Variants in NACA observed in about 807,000 individuals in gnomAD.
NACA encodes the protein nascent polypeptide associated complex subunit alpha, also known as nascent polypeptide-associated complex subunit alpha.
Under a neutral mutation model 86.4 loss-of-function variants are expected in NACA, and 42 were observed. The observed-to-expected ratio is 0.49, with a 90% CI of 0.38 to 0.63. The LOEUF (loss-of-function observed/expected upper bound fraction) is 0.63. Ranked by LOEUF, NACA falls within the 20% of genes least tolerant of loss-of-function variation. The probability of loss-of-function intolerance (pLI) is 0.00; values close to 1 mark genes in which losing one functional copy is unlikely to be tolerated. For synonymous variants in NACA, 898 were observed against 973.7 expected (o/e 0.92, Z 1.45); for missense variants, 2,157 against 2,483.6 (o/e 0.87, Z 2.80).
chr12:56,713,323 TAGA>T (rs1953265628), intron 6 of NACA, 133 bp from the exon 7 acceptor site: 2 of 1,276,740 alleles, frequency 1.6e-6, no homozygotes, highest in East Asian at 5.0e-5. Flanking sequence ...GCCCTCACAG[TAGA>T]AAGAGTAGTT....
At position 56,719,729 on chromosome 12, in the gene NACA, T is replaced by C; in HGVS notation, c.1801A>G (p.Ile601Val). 3 of 1,613,930 alleles carry C rather than the reference T, an allele frequency of 1.9e-6. No individual in the cohort carries two copies. The highest frequency in any genetic ancestry group is 8.5e-7 in the Non-Finnish European group (1 of 1,179,864). ...AKKSLGEPLP[I>V]GKPASSMTSP... ...GTCATACTGCTGGCTGGCTTACCTA[T>C]AGGGAGAGGCTCCCCAAGGCTTTTC... is the stretch of plus-strand genomic sequence containing the variant. The change falls in exon 3 of 9, where the codon ATA (isoleucine) becomes GTA (valine). Residue 601 changes from isoleucine to valine, a missense_variant. Ile to Val is a conservative substitution (Grantham distance 29). Coordinates refer to ENST00000454682, the MANE Select transcript of NACA (RefSeq NM_001365896.1).
rs776709775 is a variant in NACA at position 56,716,720 on chromosome 12, C to A, written c.4810G>T (p.Ala1604Ser). The change falls in exon 3 of 9, where the codon GCT (alanine) becomes TCT (serine). Residue 1604 changes from alanine to serine, a missense_variant. This residue lies in a region of NACA where 797 missense variants were observed against 777.6 expected (regional missense o/e 1.02). Coordinates refer to ENST00000454682, the MANE Select transcript of NACA (RefSeq NM_001365896.1). ...TCTTTGGGGGAAGGAGAAGTCACAG[C>A]TGGTGGAATGAGGAGCTCTTTGGGG... is the stretch of plus-strand genomic sequence containing the variant. ...PSPKELLIPPAVTSPSPKEAP... is the reference protein window; with the variant it reads ...PSPKELLIPPSVTSPSPKEAP... 3.6e-6 allele frequency: 5 copies of A among 1,400,968 alleles called. 1 individual carries two copies. The highest frequency in any genetic ancestry group is 4.1e-4 in the Middle Eastern group (2 of 4,892). 86.8% of individuals were successfully genotyped at this position (1,400,968 alleles called of 1,614,324 possible). A position where few individuals can be genotyped will look rare whatever the true frequency, so the allele number is the denominator to read the frequency against.
chr12:56,721,903 CTACTCTGTCCACCCAAA>C (rs1345765074), intron 2 of NACA, among the ~76,000 whole-genome samples: 1 of 152,158 alleles, frequency 6.6e-6, no homozygotes, highest in Non-Finnish European at 1.5e-5. Context: ...AACAGCTGTG[CTACTCTGTCCACCCAAA>C]TATCATGAAC....
rs561240723 is a variant in NACA, at chr12:56,720,691, G to A, written c.839C>T (p.Thr280Ile). 1.2e-6 allele frequency: 2 copies of A among 1,613,962 alleles called. No individual in the cohort carries two copies. The highest frequency in any genetic ancestry group is 2.2e-5 in the South Asian group (2 of 91,082). Residue 280 changes from threonine to isoleucine, a missense_variant, in exon 3 of 9, where the codon ACT becomes ATT. Physicochemically the swap from Thr to Ile is moderately conservative, Grantham distance 89 (BLOSUM62 -1). Around this residue, in one of 8 missense-constraint regions of NACA, gnomAD observed 947 missense variants for 917.9 expected, o/e 1.03. Coordinates refer to ENST00000454682, the MANE Select transcript of NACA (RefSeq NM_001365896.1). The part of the protein sequence containing the change: ...VSPPAALSLS[T>I]QSLPVVTSSQ... ...AGAGGTCACCACAGGAAGAGACTGAGTTGAAAGAGATAAGGCAGCAGGTGG... is the reference window on the plus strand; with the variant it reads ...AGAGGTCACCACAGGAAGAGACTGAATTGAAAGAGATAAGGCAGCAGGTGG...
chr12:56,719,794 G>C lies in NACA; in HGVS notation c.1736C>G (p.Ser579Cys), dbSNP rs772528945. The change falls in exon 3 of 9, where the codon TCT becomes TGT. Residue 579 changes from serine to cysteine, a missense_variant. Around this residue, in one of 8 missense-constraint regions of NACA, gnomAD observed 947 missense variants for 917.9 expected, o/e 1.03. Coordinates refer to ENST00000454682, the MANE Select transcript of NACA (RefSeq NM_001365896.1). ...TTCAGGAGAAAGAGGTATCTCTGGA[G>C]AAGAGGATGTACTTTGGAAAGAAGG... The part of the protein sequence containing the change: ...NSPSFQSTSS[S>C]PEIPLSPEAT... 6 of 1,613,750 alleles carry C rather than the reference G, an allele frequency of 3.7e-6. No homozygotes were observed. In the East Asian group the frequency reaches 1.3e-4, roughly 36 times the overall value.
At position 56,712,598 on chromosome 12, in the gene NACA, G is replaced by A. The variant is rs182115773; in HGVS notation, c.6223-46C>T. 786 of 1,608,896 alleles carry A rather than the reference G, an allele frequency of 4.9e-4. 6 individuals are homozygous for A. The African/African-American group carries it at 9.7e-3, about 20-fold the overall frequency. ...TTAGCGGTTCTTATAGGCAAATCAGGAGAATTCAGGTCACTAAAACTCTTA... is the reference window on the plus strand; with the variant it reads ...TTAGCGGTTCTTATAGGCAAATCAGAAGAATTCAGGTCACTAAAACTCTTA... On this transcript the variant is annotated intron_variant, in intron 8 of 8. Transcript: ENST00000454682.
chr12:56,713,424 C>T, intron 6 of NACA, 113 bp downstream of exon 6: 1 of 1,418,894 alleles, frequency 7.0e-7, no homozygotes, highest in Non-Finnish European at 9.6e-7. Context: ...GTAATCAAAA[C>T]TGGATGTAAT....
intron 2 of NACA, among the ~76,000 whole-genome samples, chr12:56,722,548 C>T (rs931076312): frequency 1.2e-4 from 18 of 152,030 alleles, no homozygotes; most frequent in African/African-American, 3.6e-4. Flanking sequence ...ATTAGCTGGG[C>T]GTGGTGGTGT....
chr12:56,719,356 A>G lies in NACA; in HGVS notation c.2174T>C (p.Val725Ala), dbSNP rs1565897074. 1.2e-6 allele frequency: 2 copies of G among 1,609,578 alleles called. No homozygotes were observed. The highest frequency in any genetic ancestry group is 1.7e-4 in the Middle Eastern group (1 of 6,048). The stretch of plus-strand genomic sequence containing the variant: ...AGACTTTGGGATTTCAGGGGCCAGC[A>G]CTAAGGTAGCCAGAGGAGCACAGGT... ...QNTCAPLATL[V>A]LAPEIPKSVP... The change falls in exon 3 of 9, where the codon GTG becomes GCG. Residue 725 changes from valine to alanine, a missense_variant. Physicochemically the swap from Val to Ala is moderately conservative, Grantham distance 64 (BLOSUM62 0). Coordinates refer to ENST00000454682, the MANE Select transcript of NACA (RefSeq NM_001365896.1).
Position 56,720,908 on chromosome 12 carries a change from T to C in NACA, c.622A>G (p.Ile208Val), listed in dbSNP as rs202018251. 4.3e-4 allele frequency: 695 copies of C among 1,613,912 alleles called. 2 individuals are homozygous for C. The highest frequency in any genetic ancestry group is 5.4e-4 in the Non-Finnish European group (638 of 1,179,852). ...NPKGTPSPPC[I>V]VSTVPYHCVT... ...CAGTGGTAAGGAACAGTACTGACTA[T>C]ACATGGAGGGCTGGGGGTGCCTTTT... The change falls in exon 3 of 9, where the codon ATA becomes GTA. Residue 208 changes from isoleucine (I) to valine (V), a missense_variant. Coordinates refer to ENST00000454682, the MANE Select transcript of NACA (RefSeq NM_001365896.1).
intron 2 of NACA, among the ~76,000 whole-genome samples, chr12:56,722,412 TG>T (rs1953596459): frequency 6.6e-6 from 1 of 152,118 alleles, no homozygotes; most frequent in Non-Finnish European, 1.5e-5. Context: ...TTGGAGAGCC[TG>T]TAACAGTGGC....
Position 56,717,098 on chromosome 12 carries a change from G to A in NACA, c.4432C>T (p.Pro1478Ser). 2 of 1,206,580 alleles carry A rather than the reference G, an allele frequency of 1.7e-6. No individual in the cohort carries two copies. The highest frequency in any genetic ancestry group is 2.1e-6 in the Non-Finnish European group (2 of 954,840). The allele number at this position is 1,206,580 out of a possible 1,614,324, so 74.7% of individuals were successfully genotyped here. A position where few individuals can be genotyped will look rare whatever the true frequency, so the allele number is the denominator to read the frequency against. ...PAVTPPSPKE[P>S]PAPKQVATSS... ...GTGGCAACTTGTTTGGGGGCTGGGG[G>A]CTCCTTGGGGGAAGGAGGAGTCACT... The change falls in exon 3 of 9, where the codon CCC (proline) becomes TCC (serine). Residue 1478 changes from proline to serine, a missense_variant. By Grantham distance (74) the Pro-to-Ser change is moderately conservative. Transcript: ENST00000454682.
At position 56,716,518 on chromosome 12, in the gene NACA, C is replaced by A; in HGVS notation, c.5012G>T (p.Gly1671Val). Residue 1671 changes from glycine to valine, a missense_variant, in exon 3 of 9, where the codon GGG (glycine) becomes GTG (valine). By Grantham distance (109) the Gly-to-Val change is moderately radical. This residue lies in a region of NACA where 797 missense variants were observed against 777.6 expected (regional missense o/e 1.02). Coordinates refer to ENST00000454682, the MANE Select transcript of NACA (RefSeq NM_001365896.1). Reference protein sequence around the residue: ...MGATVPQASKGLPAKKGPTAL... With the variant: ...MGATVPQASKVLPAKKGPTAL... ...TGTGGGGCCTTTCTTTGCTGGAAGC[C>A]CTTTAGATGCTTGAGGAACAGTGGC... 2 of 1,491,602 alleles carry A rather than the reference C, an allele frequency of 1.3e-6. No individual in the cohort carries two copies. The highest frequency in any genetic ancestry group is 1.8e-6 in the Non-Finnish European group (2 of 1,101,798). The allele number at this position is 1,491,602 out of a possible 1,614,324, so 92.4% of individuals were successfully genotyped here.
At position 56,721,057 on chromosome 12, in the gene NACA, A is replaced by G; in HGVS notation, c.473T>C (p.Leu158Pro). 6.2e-7 allele frequency: 1 copy of G among 1,613,932 alleles called. No homozygotes were observed. Among genetic ancestry groups the G allele is most frequent in the Non-Finnish European group, 8.5e-7 (1 of 1,179,874 alleles). ...TACAGCCACTGAAGGAGGTGAAGTA[A>G]GAAGGTTAGGTGGAAAAGCAGAACT... ...QKSSAFPPNL[L>P]TSPPSVAVAE... Residue 158 changes from leucine (L) to proline (P), a missense_variant, in exon 3 of 9, where the codon CTT becomes CCT. Leu to Pro is a moderately conservative substitution (Grantham distance 98). This residue lies in a region of NACA where 947 missense variants were observed against 917.9 expected (regional missense o/e 1.03). Coordinates refer to ENST00000454682, the MANE Select transcript of NACA (RefSeq NM_001365896.1).
Position 56,718,128 on chromosome 12 carries a change from GGGAGGAGTT to G in NACA, c.3393_3401del (p.Thr1132_Pro1134del). ...GGGTAGCTAGACCTCCTTTTGGGGA[GGGAGGAGTT>G]GCAGCTGGGGTTGTGGGTGCCCCTT... On this transcript the variant is annotated inframe_deletion, in exon 3 of 9. Coordinates refer to ENST00000454682, the MANE Select transcript of NACA (RefSeq NM_001365896.1). 3.5e-6 allele frequency: 3 copies of G among 848,088 alleles called. No individual in the cohort carries two copies. The highest frequency in any genetic ancestry group is 4.2e-6 in the Non-Finnish European group (3 of 711,848). The allele number at this position is 848,088 out of a possible 1,614,324, so 52.5% of individuals were successfully genotyped here. A position where few individuals can be genotyped will look rare whatever the true frequency, so the allele number is the denominator to read the frequency against.
Position 56,716,537 on chromosome 12 carries a change from C to T in NACA, c.4993G>A (p.Val1665Ile). 1 of 1,474,698 alleles carries T rather than the reference C, an allele frequency of 6.8e-7. No homozygotes were observed. The highest frequency in any genetic ancestry group is 9.2e-7 in the Non-Finnish European group (1 of 1,090,430). The allele number at this position is 1,474,698 out of a possible 1,614,324, so 91.4% of individuals were successfully genotyped here. The change falls in exon 3 of 9, where the codon GTT (valine) becomes ATT (isoleucine). Residue 1665 changes from valine (V) to isoleucine (I), a missense_variant. Val to Ile is a conservative substitution (Grantham distance 29). Around this residue, in one of 8 missense-constraint regions of NACA, gnomAD observed 797 missense variants for 777.6 expected, o/e 1.02. Coordinates refer to ENST00000454682, the MANE Select transcript of NACA (RefSeq NM_001365896.1). ...GGAAGCCCTTTAGATGCTTGAGGAA[C>T]AGTGGCCCCCATTTTACATGTGACA... ...ASVTCKMGAT[V>I]PQASKGLPAK...
chr12:56,712,450 T>C lies in NACA; in HGVS notation c.*88A>G, dbSNP rs1953245405. ...ACTGAATTCATCCAACAAGAAGCCA[T>C]AACTTTATTTATGATAGAAACAGTA... On this transcript the variant is annotated 3_prime_UTR_variant, in exon 9 of 9. Coordinates refer to ENST00000454682, the MANE Select transcript of NACA (RefSeq NM_001365896.1). 1 of 1,378,212 alleles carries C rather than the reference T, an allele frequency of 7.3e-7. No homozygotes were observed. 85.4% of individuals were successfully genotyped at this position (1,378,212 alleles called of 1,614,324 possible).
rs1194240968 is a variant in NACA at position 56,719,275 on chromosome 12, T to C, written c.2255A>G (p.Asp752Gly). The C allele has an allele frequency of 5.1e-6, 8 of 1,576,122 alleles. No individual in the cohort carries two copies. In the South Asian group the frequency reaches 7.8e-5, roughly 15 times the overall value. ...CAATGCTGAAGTATGAGAAATACCA[T>C]CAACCTTTTTTGTACCTGGAGGAGT... is the stretch of plus-strand genomic sequence containing the variant. The part of the protein sequence containing the change: ...AGTPPGTKKV[D>G]GISHTSALAP... The change falls in exon 3 of 9, where the codon GAT (aspartate) becomes GGT (glycine). Residue 752 changes from aspartate (D) to glycine (G), a missense_variant. Physicochemically the swap from Asp to Gly is moderately conservative, Grantham distance 94. Transcript: ENST00000454682.
At chr12:56,724,804 C>T (rs190962151) in intron 1 of NACA, 4 of 430,776 alleles carry the variant, frequency 9.3e-6, no homozygotes, top group South Asian at 2.6e-5. Flanking sequence ...TACTGTGAAC[C>T]CCCTCCACTC....
Sources: allele counts gnomAD v4.1 joint callset (sites outside exome capture counted in the v4.1 genomes callset), GRCh38; gene constraint gnomAD v4.1.1; regional missense constraint gnomAD v4.1.1; transcripts MANE v1.5; gene names NCBI Gene and HGNC (gene_info 2026-07-23, HGNC 2026-07-21).